PLCXD1: variants seen among roughly 807,000 people sequenced by gnomAD.
PLCXD1 encodes the protein PI-PLC X domain-containing protein 1.
In PLCXD1, 45 loss-of-function variants were observed where a neutral mutation model predicts 37.8. That is an observed-to-expected ratio of 1.19 (90% CI 0.94 to 1.53). The LOEUF is 1.53. Ranked by LOEUF, PLCXD1 falls within the 40% of genes most tolerant of loss-of-function variation. PLCXD1 has a pLI of 0.00. For missense variants in PLCXD1, 539 were observed against 454.7 expected, an observed-to-expected ratio of 1.19 and a Z score of -1.69; for synonymous variants, 246 against 206.9, an observed-to-expected ratio of 1.19 and a Z score of -1.62.
Position 293,068 on chromosome X carries a change from G to A in PLCXD1, c.583G>A (p.Gly195Ser), listed in dbSNP as rs1348599260. Reference protein sequence around the residue: ...VPTLRQLWSRGQQVIVSYEDE... With the variant: ...VPTLRQLWSRSQQVIVSYEDE... ...GACACTGCGGCAGCTGTGGTCCCGG[G>A]GCCAACAGGTCATCGTCTCCTATGA... Residue 195 changes from glycine (G) to serine (S), a missense_variant, in exon 6 of 7, where the codon GGC (glycine) becomes AGC (serine). Gly to Ser is a moderately conservative substitution (Grantham distance 56). Coordinates refer to ENST00000381657, the MANE Select transcript of PLCXD1 (RefSeq NM_018390.4). 2 of 1,611,024 alleles carry A rather than the reference G, an allele frequency of 1.2e-6. No homozygotes were observed. Among genetic ancestry groups the A allele is most frequent in the Non-Finnish European group, 1.7e-6 (2 of 1,179,490 alleles).
At position 299,446 on chromosome X, in the gene PLCXD1, A is replaced by T; in HGVS notation, c.*111A>T. The T allele has an allele frequency of 1.2e-6, 1 of 825,826 alleles. No homozygotes were observed. The highest frequency in any genetic ancestry group is 1.7e-5 in the African/African-American group (1 of 59,476). 51.2% of individuals were successfully genotyped at this position (825,826 alleles called of 1,614,324 possible). ...TGGTGATCATAGGACCGATGATAAT[A>T]CGTTTTCATTTTCTTTAAAATAGAG... On this transcript the variant is annotated 3_prime_UTR_variant, in exon 7 of 7. Coordinates refer to ENST00000381657, the MANE Select transcript of PLCXD1 (RefSeq NM_018390.4).
At chrX:286,567 C>G (rs2069456941) in intron 2 of PLCXD1, among the ~76,000 whole-genome samples, 6 of 152,062 alleles carry the variant, frequency 3.9e-5, no homozygotes, top group Admixed American at 3.9e-4. Flanking sequence ...AATTCTTGGC[C>G]TTTTTAAAGG....
In PLCXD1 at chrX:299,123, C is replaced by G. The variant is rs2069910941; in HGVS notation, c.760C>G (p.Leu254Val). Reference protein sequence around the residue: ...PGGLFVAGINLTENLQYVLAH... With the variant: ...PGGLFVAGINVTENLQYVLAH... ...AGGGTTGTTCGTGGCCGGCATCAAC[C>G]TCACGGAGAACCTGCAGTACGTTCT... The change falls in exon 7 of 7, where the codon CTC becomes GTC. Residue 254 changes from leucine to valine, a missense_variant. Leu to Val is a conservative substitution (Grantham distance 32, BLOSUM62 1). Transcript: ENST00000381657. 2 of 1,613,892 alleles carry G rather than the reference C, an allele frequency of 1.2e-6. No homozygotes were observed. The highest frequency in any genetic ancestry group is 1.3e-5 in the African/African-American group (1 of 75,030).
intron 4 of PLCXD1, among the ~76,000 whole-genome samples, chrX:291,059 G>A (rs1353789730): frequency 3.9e-5 from 6 of 152,018 alleles, no homozygotes; most frequent in African/African-American, 7.2e-5. Flanking sequence ...GACAGGAAAC[G>A]CCCGGTCTTT....
chrX:284,464 GAC>G (rs1313705544), intron 2 of PLCXD1, 150 bp downstream of exon 2: 7 of 806,312 alleles, frequency 8.7e-6, no homozygotes, highest in African/African-American at 6.7e-5. Context: ...CACTGATGTG[GAC>G]ACACACATAC....
At chrX:287,864 C>T (rs2069508262) in intron 2 of PLCXD1, among the ~76,000 whole-genome samples, 1 of 151,880 alleles carries the variant, frequency 6.6e-6, no homozygotes, top group Non-Finnish European at 1.5e-5. Context: ...GTGTTTCTTG[C>T]GGTTACCATA....
intron 2 of PLCXD1, among the ~76,000 whole-genome samples, chrX:287,820 A>G (rs2069506895): frequency 6.6e-6 from 1 of 151,626 alleles, no homozygotes; most frequent in African/African-American, 2.4e-5. Flanking sequence ...AGGAAATGCA[A>G]ACGTCAGCCA....
intron 6 of PLCXD1, among the ~76,000 whole-genome samples, chrX:294,720 C>G (rs1394516698): frequency 6.6e-6 from 1 of 151,960 alleles, no homozygotes; most frequent in African/African-American, 2.4e-5. Context: ...AGGGGAATCA[C>G]TTGAACCAGG....
chrX:284,512 A>G (rs1259459555), intron 2 of PLCXD1, among the ~76,000 whole-genome samples, 198 bp downstream of exon 2: 1 of 152,180 alleles, frequency 6.6e-6, no homozygotes, highest in Non-Finnish European at 1.5e-5. Flanking sequence ...ACATATGTAC[A>G]TAGTCATGGA....
At chrX:279,570 G>A (rs1265417486), upstream of PLCXD1, among the ~76,000 whole-genome samples, 5 of 152,124 alleles carry the variant, frequency 3.3e-5, no homozygotes, top group East Asian at 3.9e-4. Context: ...TCAGGAGTTC[G>A]AGACCAGCCT....
intron 6 of PLCXD1, among the ~76,000 whole-genome samples, chrX:294,013 G>A (rs1286916246): frequency 6.6e-6 from 1 of 152,114 alleles, no homozygotes; most frequent in African/African-American, 2.4e-5. Flanking sequence ...TAGAGAAGGG[G>A]TCTCACTGTG....
chrX:278,756 A>AAAAAG (rs1291174218), upstream of PLCXD1, among the ~76,000 whole-genome samples: 1 of 144,374 alleles, frequency 6.9e-6, no homozygotes, highest in African/African-American at 2.5e-5. Context: ...AAAAAAAAAA[A>AAAAAG]GTGTGTTTTG....
intron 2 of PLCXD1, among the ~76,000 whole-genome samples, chrX:284,896 A>G (rs2069397127): frequency 6.6e-6 from 1 of 152,158 alleles, no homozygotes; most frequent in Non-Finnish European, 1.5e-5. Context: ...TTGTACAACC[A>G]TCAGATCTCG....
At position 284,318 on chromosome X, in the gene PLCXD1, A is replaced by G. The variant is rs1183032799; in HGVS notation, c.127+4A>G. 2 of 1,612,634 alleles carry G rather than the reference A, an allele frequency of 1.2e-6. No homozygotes were observed. ...CTCCACCACCTCTCCATCCCAGGTGAGGTTGGGGTGGGGCAGGGGCCGTTG... is the reference window on the plus strand; with the variant it reads ...CTCCACCACCTCTCCATCCCAGGTGGGGTTGGGGTGGGGCAGGGGCCGTTG... On this transcript the variant is annotated splice_donor_region_variant and intron_variant, in intron 2 of 6. Transcript: ENST00000381657.
At chrX:290,574 C>T (rs2069597184) in intron 3 of PLCXD1, 74 bp from the exon 4 acceptor site, 3 of 1,555,410 alleles carry the variant, frequency 1.9e-6, no homozygotes, top group Admixed American at 3.5e-5. Context: ...GGTGGGCCAA[C>T]CCCACAGCCC....
chrX:287,514 TATATAG>T lies in PLCXD1; in HGVS notation c.128-1209_128-1204del, dbSNP rs893494744. Among the ~76,000 whole-genome samples, 28 of 115,740 alleles carry T rather than the reference TATATAG, an allele frequency of 2.4e-4. No individual in the cohort carries two copies. In the South Asian group the frequency reaches 6.9e-3, roughly 29 times the overall value. 75.9% of individuals were successfully genotyped at this position (115,740 alleles called of 152,430 possible). A position where few individuals can be genotyped will look rare whatever the true frequency, so the allele number is the denominator to read the frequency against. ...TAGATATAGATACTATATATGTTTA[TATATAG>T]ATATAGATACTATATATGTTTATAT... is the stretch of plus-strand genomic sequence containing the variant. On this transcript the variant is annotated intron_variant, in intron 2 of 6. Transcript: ENST00000381657.
In PLCXD1 at chrX:281,598, C is replaced by G. The variant is rs2069279105; in HGVS notation, c.-108C>G. The G allele has an allele frequency of 6.6e-6, 1 of 152,256 alleles. No homozygotes were observed. The highest frequency in any genetic ancestry group is 2.4e-5 in the African/African-American group (1 of 41,438). 9.4% of individuals were successfully genotyped at this position (152,256 alleles called of 1,614,324 possible). A position where few individuals can be genotyped will look rare whatever the true frequency, so the allele number is the denominator to read the frequency against. On this transcript the variant is annotated 5_prime_UTR_variant, in exon 1 of 7. Coordinates refer to ENST00000381657, the MANE Select transcript of PLCXD1 (RefSeq NM_018390.4). ...GCAGACCGAGAGGATCTCGTCCTTT[C>G]TTGCGGCCCAGGGAGACCAGGCCTT...
chrX:284,475 A>G (rs2069380329), intron 2 of PLCXD1, among the ~76,000 whole-genome samples, 161 bp downstream of exon 2: 3 of 149,272 alleles, frequency 2.0e-5, no homozygotes, highest in Non-Finnish European at 4.5e-5. Flanking sequence ...ACACACACAT[A>G]CACACAGTGC....
At chrX:291,439 C>T in intron 4 of PLCXD1, 60 bp from the exon 5 acceptor site, 1 of 1,585,178 alleles carries the variant, frequency 6.3e-7, no homozygotes, top group South Asian at 1.1e-5. Flanking sequence ...AGCCGCCACA[C>T]CCCGCCTTCC....
Sources: allele counts gnomAD v4.1 joint callset (sites outside exome capture counted in the v4.1 genomes callset), GRCh38; gene constraint gnomAD v4.1.1; transcripts MANE v1.5; gene names NCBI Gene and HGNC (gene_info 2026-07-23, HGNC 2026-07-21).